NHEJ1: variants seen among roughly 807,000 people sequenced by gnomAD.
The protein encoded by NHEJ1 is non-homologous end joining factor 1.
A neutral mutation model predicts 39.4 loss-of-function variants in NHEJ1; 22 were observed. The ratio of observed to expected loss-of-function variants is 0.56; its 90% CI spans 0.40 to 0.80. The LOEUF is 0.80. NHEJ1 is among the 30% of genes least tolerant of loss of function. NHEJ1 has a pLI of 0.00. For missense variants in NHEJ1, 329 were observed against 357.1 expected, an observed-to-expected ratio of 0.92 and a Z score of 0.63; for synonymous variants, 154 against 135.6, an observed-to-expected ratio of 1.14 and a Z score of -0.94.
chr2:219,094,727 T>C (rs1949190647), intron 5 of NHEJ1, among the ~76,000 whole-genome samples: 2 of 152,076 alleles, frequency 1.3e-5, no homozygotes, highest in Admixed American at 1.3e-4. Flanking sequence ...GCTGTGGGTG[T>C]AGGATTCCCA....
At chr2:219,121,198 C>A (rs1175955377) in intron 5 of NHEJ1, among the ~76,000 whole-genome samples, 1 of 150,170 alleles carries the variant, frequency 6.7e-6, no homozygotes. Context: ...AAGAGCAAAA[C>A]TCTGTCTAAA....
chr2:219,154,482 A>G (rs1042894564), intron 3 of NHEJ1, among the ~76,000 whole-genome samples: 3 of 152,192 alleles, frequency 2.0e-5, no homozygotes, highest in Non-Finnish European at 4.4e-5. Flanking sequence ...TACTCATTCA[A>G]AAAAATTAAA....
intron 5 of NHEJ1, among the ~76,000 whole-genome samples, chr2:219,080,693 A>ATATATATATGCTAATATATATATATGCT (rs1559186004): frequency 1.2e-4 from 11 of 92,124 alleles, no homozygotes; most frequent in African/African-American, 6.7e-4. Flanking sequence ...ATATATGCTT[A>ATATATATATGCTAATATATATATATGCT]TATATATATA....
chr2:219,077,690 G>T (rs1949027090), intron 6 of NHEJ1, among the ~76,000 whole-genome samples: 1 of 150,002 alleles, frequency 6.7e-6, no homozygotes, highest in Non-Finnish European at 1.5e-5. Context: ...TTGCTGTGTT[G>T]TCCAGGCTGG....
intron 5 of NHEJ1, among the ~76,000 whole-genome samples, chr2:219,093,392 G>A (rs1949179118): frequency 6.6e-6 from 1 of 152,190 alleles, no homozygotes; most frequent in African/African-American, 2.4e-5. Flanking sequence ...GGACAAGAGG[G>A]ATATATAAAT....
Position 219,158,022 on chromosome 2 carries a change from C to T in NHEJ1, c.177+164G>A, listed in dbSNP as rs929459340. Among the ~76,000 whole-genome samples the T allele has an allele frequency of 1.2e-4, 18 of 151,788 alleles. No homozygotes were observed. In the East Asian group the frequency reaches 3.3e-3, roughly 28 times the overall value. ...ACACACACACACACACACACACACA[C>T]ACACACACACACACACAAAGATTCC... On this transcript the variant is annotated intron_variant, in intron 2 of 7. Coordinates refer to ENST00000356853, the MANE Select transcript of NHEJ1 (RefSeq NM_024782.3).
intron 1 of NHEJ1, chr2:219,159,445 T>G (rs1294374420): frequency 6.6e-6 from 1 of 150,846 alleles, no homozygotes; most frequent in Non-Finnish European, 1.5e-5. Context: ...AAATTCCTTA[T>G]TAAGTCTGAT....
At chr2:219,092,849 C>T (rs1036916178) in intron 5 of NHEJ1, among the ~76,000 whole-genome samples, 11 of 152,154 alleles carry the variant, frequency 7.2e-5, no homozygotes, top group African/African-American at 2.4e-5. Context: ...GATAAGAGAT[C>T]TTGAGATCCC....
In NHEJ1 at chr2:219,075,426, G is replaced by C. The variant is rs1237925584; in HGVS notation, c.*955C>G. Reference sequence around the variant, plus strand: ...GTATATATACAGGATATTTGAATAAGGAGGCATTTAACCATCGAAAGTAAA... The same window carrying C: ...GTATATATACAGGATATTTGAATAACGAGGCATTTAACCATCGAAAGTAAA... On this transcript the variant is annotated 3_prime_UTR_variant, in exon 8 of 8. Transcript: ENST00000356853. 2 of 152,150 alleles carry C rather than the reference G, an allele frequency of 1.3e-5. No homozygotes were observed. The highest frequency in any genetic ancestry group is 4.8e-5 in the African/African-American group (2 of 41,428). 9.4% of individuals were successfully genotyped at this position (152,150 alleles called of 1,614,324 possible).
intron 5 of NHEJ1, among the ~76,000 whole-genome samples, chr2:219,128,068 A>C (rs1439999653): frequency 6.6e-6 from 1 of 152,242 alleles, no homozygotes; most frequent in Non-Finnish European, 1.5e-5. Context: ...ATCCATTAGG[A>C]AATAGCTCAA....
In NHEJ1 at chr2:219,070,478, CA is replaced by C. The variant is rs1948947093; in HGVS notation, c.*5902del. 6.6e-6 allele frequency among the ~76,000 whole-genome samples: 1 copy of C among 152,216 alleles called. No homozygotes were observed. The highest frequency in any genetic ancestry group is 1.5e-5 in the Non-Finnish European group (1 of 68,038). On this transcript the variant is annotated 3_prime_UTR_variant, in exon 8 of 8. Transcript: ENST00000356853. ...AAGTGCTGGGATTACAGGCGTGAGC[CA>C]CTGCGCCTGGCCCACCACGCTAATT...
intron 5 of NHEJ1, among the ~76,000 whole-genome samples, chr2:219,114,652 G>T (rs1368001738): frequency 6.6e-6 from 1 of 152,220 alleles, no homozygotes; most frequent in African/African-American, 2.4e-5. Context: ...AACTGGGTAA[G>T]GCTGGGAGCA....
intron 5 of NHEJ1, among the ~76,000 whole-genome samples, chr2:219,078,687 G>A (rs1949035970): frequency 6.6e-6 from 1 of 152,184 alleles, no homozygotes; most frequent in Non-Finnish European, 1.5e-5. Flanking sequence ...TCAGGCAGAG[G>A]AGACAGGAAA....
rs1368028398 is a variant in NHEJ1, at chr2:219,157,486, C to T, written c.376G>A (p.Ala126Thr). Reference sequence around the variant, plus strand: ...ATTACACTTACCAGGGAAGGACTAGCTAGCATGCAGTGGAAATTCCAATAG... The same window carrying T: ...ATTACACTTACCAGGGAAGGACTAGTTAGCATGCAGTGGAAATTCCAATAG... ...PFYWNFHCMLASPSLVSQHLI... is the reference protein window; with the variant it reads ...PFYWNFHCMLTSPSLVSQHLI... The change falls in exon 3 of 8, where the codon GCT becomes ACT. Residue 126 changes from alanine to threonine, a missense_variant. Coordinates refer to ENST00000356853, the MANE Select transcript of NHEJ1 (RefSeq NM_024782.3). The T allele has an allele frequency of 1.2e-6, 2 of 1,613,688 alleles. No homozygotes were observed. The highest frequency in any genetic ancestry group is 2.7e-5 in the African/African-American group (2 of 74,916).
In NHEJ1 at chr2:219,134,815, G is replaced by A. The variant is rs1949610054; in HGVS notation, c.588+11865C>T. Among the ~76,000 whole-genome samples the A allele has an allele frequency of 4.6e-5, 7 of 152,064 alleles. No individual in the cohort carries two copies. The South Asian group carries it at 1.0e-3, about 23-fold the overall frequency. ...AGCACTTTGGGAGGCTGAGGTAGGT[G>A]GATCACGAGGTCAGGAGTTCGAGAC... On this transcript the variant is annotated intron_variant, in intron 5 of 7. Transcript: ENST00000356853.
At chr2:219,131,817 C>T (rs1949581626) in intron 5 of NHEJ1, among the ~76,000 whole-genome samples, 1 of 152,204 alleles carries the variant, frequency 6.6e-6, no homozygotes, top group African/African-American at 2.4e-5. Context: ...AGCGCTCTAG[C>T]TTTGAACCAT....
intron 5 of NHEJ1, among the ~76,000 whole-genome samples, chr2:219,093,855 C>A (rs1949182944): frequency 6.6e-6 from 1 of 152,148 alleles, no homozygotes; most frequent in African/African-American, 2.4e-5. Flanking sequence ...TTACTTAACA[C>A]AACATCAGCA....
intron 5 of NHEJ1, among the ~76,000 whole-genome samples, chr2:219,103,485 AG>A (rs1949285992): frequency 6.6e-6 from 1 of 152,134 alleles, no homozygotes; most frequent in Admixed American, 6.5e-5. Flanking sequence ...CATGTTGGCC[AG>A]GATGGTCTCC....
intron 5 of NHEJ1, among the ~76,000 whole-genome samples, chr2:219,133,382 A>G (rs954221053): frequency 6.6e-6 from 1 of 152,262 alleles, no homozygotes; most frequent in Non-Finnish European, 1.5e-5. Context: ...ACATGTCCCA[A>G]TGTGAGAGAG....
Sources: gnomAD v4.1 joint callset for allele counts (sites outside exome capture counted in the v4.1 genomes callset) on GRCh38, gnomAD v4.1.1 for gene constraint, MANE v1.5 for transcripts, NCBI Gene and HGNC (gene_info 2026-07-23, HGNC 2026-07-21) for gene names.